The following MTNR1B variants were observed in gnomAD, a reference collection of about 807,000 sequenced individuals.
MTNR1B encodes the protein melatonin receptor type 1B.
Under a neutral mutation model 7.0 loss-of-function variants are expected in MTNR1B, and 7 were observed. The ratio of observed to expected loss-of-function variants is 1.00; its 90% CI spans 0.57 to 1.88. The LOEUF is 1.88. Among genes scored for constraint, MTNR1B ranks in the 40% most tolerant of loss-of-function variants. The pLI, the probability that MTNR1B is intolerant of heterozygous loss-of-function variation, is 0.00. For synonymous variants in MTNR1B, 226 were observed against 208.2 expected (o/e 1.09, Z -0.74); for missense variants, 478 against 486.5 (o/e 0.98, Z 0.16).
chr11:92,975,121 G>T (rs149765916), intron 1 of MTNR1B, among the ~76,000 whole-genome samples: 10 of 152,324 alleles, frequency 6.6e-5, no homozygotes, highest in African/African-American at 2.2e-4. Context: ...CTTTTAAGCT[G>T]CCTGTAATAT....
intron 1 of MTNR1B, among the ~76,000 whole-genome samples, chr11:92,975,977 G>T (rs1858004442): frequency 6.6e-6 from 1 of 152,170 alleles, no homozygotes; most frequent in Admixed American, 6.5e-5. Flanking sequence ...GTCCAACTTT[G>T]CATTTCAGCT....
chr11:92,982,587 G>A lies in MTNR1B; in HGVS notation c.*275G>A, dbSNP rs953090483. 3.7e-5 allele frequency: 17 copies of A among 457,888 alleles called. No individual in the cohort carries two copies. The highest frequency in any genetic ancestry group is 6.2e-5 in the Non-Finnish European group (16 of 256,904). The allele number at this position is 457,888 out of a possible 1,614,324, so 28.4% of individuals were successfully genotyped here. Reference sequence around the variant, plus strand: ...CAAGACCAAGGAAAGGACAGAATGAGGAAAGGCCTGGGGCAGAAGAGCCCA... The same window carrying A: ...CAAGACCAAGGAAAGGACAGAATGAAGAAAGGCCTGGGGCAGAAGAGCCCA... On this transcript the variant is annotated 3_prime_UTR_variant, in exon 2 of 2. Coordinates refer to ENST00000257068, the MANE Select transcript of MTNR1B (RefSeq NM_005959.5).
At chr11:92,976,815 CT>C (rs1425816356) in intron 1 of MTNR1B, among the ~76,000 whole-genome samples, 3 of 152,212 alleles carry the variant, frequency 2.0e-5, no homozygotes, top group Non-Finnish European at 2.9e-5. Context: ...TCTTCTTGTT[CT>C]TTCTCAATCC....
In MTNR1B at chr11:92,982,437, T is replaced by C; in HGVS notation, c.*125T>C. The C allele has an allele frequency of 1.7e-6, 2 of 1,197,692 alleles. No individual in the cohort carries two copies. The highest frequency in any genetic ancestry group is 2.3e-6 in the Non-Finnish European group (2 of 876,680). 74.2% of individuals were successfully genotyped at this position (1,197,692 alleles called of 1,614,324 possible). On this transcript the variant is annotated 3_prime_UTR_variant, in exon 2 of 2. Transcript: ENST00000257068. ...CCTGTTGGCATCACAGCCCCAAGGC[T>C]GGGGGAACTTCATGCTGGGACAAGC...
chr11:92,984,236 G>C (rs4753427), downstream of MTNR1B, among the ~76,000 whole-genome samples: 1 of 152,288 alleles, frequency 6.6e-6, no homozygotes, highest in Non-Finnish European at 1.5e-5. Context: ...GCTGTGCTTA[G>C]TCCCCTAGCC....
intron 1 of MTNR1B, among the ~76,000 whole-genome samples, chr11:92,970,208 G>A (rs1857903240): frequency 6.6e-6 from 1 of 152,150 alleles, no homozygotes; most frequent in South Asian, 2.1e-4. Context: ...TTGGCCGGGC[G>A]CCGGCGCTGT....
chr11:92,984,863 C>T (rs988725618), downstream of MTNR1B: 1 of 455,954 alleles, frequency 2.2e-6, no homozygotes, highest in East Asian at 7.0e-5. Flanking sequence ...AAGCCCAGGC[C>T]CAGGACATCA....
rs147960983 is a variant in MTNR1B at position 92,981,610 on chromosome 11, C to T, written c.387C>T (p.Phe129=). The change falls in exon 2 of 2, where the codon TTC becomes TTT. Residue 129 remains phenylalanine (F), a synonymous_variant. Coordinates refer to ENST00000257068, the MANE Select transcript of MTNR1B (RefSeq NM_005959.5). ...GCCTGAGCGTCATCGGCTCTGTCTT[C>T]AATATCACTGCCATCGCCATTAACC... ...VMGLSVIGSV[F]NITAIAINRY... is the part of the protein sequence containing the mutation. The T allele has an allele frequency of 6.2e-7, 1 of 1,614,174 alleles. No homozygotes were observed. Among genetic ancestry groups the T allele is most frequent in the Non-Finnish European group, 8.5e-7 (1 of 1,180,034 alleles).
intron 1 of MTNR1B, chr11:92,972,620 A>G (rs1591902499): frequency 2.2e-6 from 1 of 449,484 alleles, no homozygotes; most frequent in East Asian, 7.0e-5. Context: ...ACTCTTTGCT[A>G]CATTCTCAGA....
intron 1 of MTNR1B, among the ~76,000 whole-genome samples, chr11:92,970,703 G>T (rs1857909732): frequency 6.6e-6 from 1 of 152,122 alleles, no homozygotes; most frequent in African/African-American, 2.4e-5. Flanking sequence ...ACCAGAGTGG[G>T]GGGCAGTATC....
intron 1 of MTNR1B, among the ~76,000 whole-genome samples, chr11:92,970,850 A>G (rs929462041): frequency 1.3e-5 from 2 of 152,248 alleles, no homozygotes; most frequent in Non-Finnish European, 2.9e-5. Flanking sequence ...GTGAATTAAA[A>G]TGGAAAGATA....
At chr11:92,977,588 A>C (rs1043715696) in intron 1 of MTNR1B, among the ~76,000 whole-genome samples, 5 of 152,190 alleles carry the variant, frequency 3.3e-5, no homozygotes, top group Non-Finnish European at 5.9e-5. Context: ...GTGCCTGACC[A>C]ACCCCATATC....
In MTNR1B at chr11:92,969,847, C is replaced by T; in HGVS notation, c.122C>T (p.Pro41Leu). Reference sequence around the variant, plus strand: ...ACCCCTCGACCTCCCTGGGTGGCTCCAGCGCTGTCCGCGGTGCTCATCGTC... The same window carrying T: ...ACCCCTCGACCTCCCTGGGTGGCTCTAGCGCTGTCCGCGGTGCTCATCGTC... ...SRTPRPPWVAPALSAVLIVTT... is the reference protein window; with the variant it reads ...SRTPRPPWVALALSAVLIVTT... Residue 41 changes from proline to leucine, a missense_variant, in exon 1 of 2, where the codon CCA (proline) becomes CTA (leucine). Transcript: ENST00000257068. The T allele has an allele frequency of 1.2e-6, 2 of 1,609,880 alleles. No homozygotes were observed. Among genetic ancestry groups the T allele is most frequent in the Non-Finnish European group, 1.7e-6 (2 of 1,178,952 alleles).
downstream of MTNR1B, among the ~76,000 whole-genome samples, chr11:92,983,683 C>T (rs560918444): frequency 7.2e-5 from 11 of 152,210 alleles, 1 homozygote; most frequent in South Asian, 6.2e-4. Context: ...CTTTGTTTAG[C>T]GCCAACAGAA....
At chr11:92,979,818 T>C (rs1316566529) in intron 1 of MTNR1B, among the ~76,000 whole-genome samples, 2 of 152,160 alleles carry the variant, frequency 1.3e-5, no homozygotes, top group Non-Finnish European at 2.9e-5. Context: ...GTCTTTCAAG[T>C]TCCCATCCCC....
At chr11:92,978,095 G>A (rs191597500) in intron 1 of MTNR1B, among the ~76,000 whole-genome samples, 125 of 152,264 alleles carry the variant, frequency 8.2e-4, no homozygotes, top group African/African-American at 1.9e-3. Context: ...CAATGACCAA[G>A]GAGAATTTAT....
intron 1 of MTNR1B, among the ~76,000 whole-genome samples, chr11:92,980,271 C>T (rs1858080157): frequency 6.6e-6 from 1 of 152,198 alleles, no homozygotes. Flanking sequence ...AAATACCATG[C>T]CCAGTGCACA....
At chr11:92,982,936 A>ACCCCCCCCCCC (rs71473980), downstream of MTNR1B, among the ~76,000 whole-genome samples, 2 of 49,170 alleles carry the variant, frequency 4.1e-5, no homozygotes, top group African/African-American at 7.4e-5. Context: ...AACACACTGC[A>ACCCCCCCCCCC]CCCCCCCCCC....
intron 1 of MTNR1B, among the ~76,000 whole-genome samples, chr11:92,973,073 A>AG (rs1857959252): frequency 1.3e-5 from 2 of 152,090 alleles, no homozygotes; most frequent in Admixed American, 1.3e-4. Context: ...TGTGACACTG[A>AG]GGGCCACTCC....
Sources: allele counts gnomAD v4.1 joint callset (sites outside exome capture counted in the v4.1 genomes callset), GRCh38; gene constraint gnomAD v4.1.1; transcripts MANE v1.5; gene names NCBI Gene and HGNC (gene_info 2026-07-23, HGNC 2026-07-21).